Variants in ITGAE observed in about 807,000 individuals in gnomAD.
ITGAE encodes the protein integrin subunit alpha E.
Under a neutral mutation model 136.5 loss-of-function variants are expected in ITGAE, and 99 were observed. The ratio of observed to expected loss-of-function variants is 0.73; its 90% CI spans 0.62 to 0.86. The LOEUF is 0.86. Among genes scored for constraint, ITGAE ranks in the 40% least tolerant of loss-of-function variants. The pLI is 0.00. For missense variants in ITGAE, 1,447 were observed against 1,515.3 expected (o/e 0.95, Z 0.75); for synonymous variants, 613 against 591.8 (o/e 1.04, Z -0.52).
At chr17:3,747,853 T>C (rs2143017545) in intron 17 of ITGAE, 69 bp downstream of exon 17, 2 of 413,118 alleles carry the variant, frequency 4.8e-6, no homozygotes, top group South Asian at 2.4e-5. Flanking sequence ...CCTCTTTCCC[T>C]GCCCCTTACA....
At chr17:3,736,000 C>T (rs1269979802) in intron 20 of ITGAE, among the ~76,000 whole-genome samples, 1 of 151,992 alleles carries the variant, frequency 6.6e-6, no homozygotes, top group Non-Finnish European at 1.5e-5. Flanking sequence ...AAAAAGTAGC[C>T]GGGTGTGGTG....
chr17:3,780,872 T>C (rs956581385), intron 1 of ITGAE, among the ~76,000 whole-genome samples: 4 of 152,062 alleles, frequency 2.6e-5, no homozygotes, highest in Non-Finnish European at 5.9e-5. Context: ...GGCTAATTTT[T>C]AAAAAATTTT....
Position 3,799,891 on chromosome 17 carries a change from G to A in ITGAE, c.34+1220C>T, listed in dbSNP as rs1398528924. 1.3e-5 allele frequency among the ~76,000 whole-genome samples: 2 copies of A among 152,190 alleles called. No individual in the cohort carries two copies. Among genetic ancestry groups the A allele is most frequent in the Non-Finnish European group, 2.9e-5 (2 of 68,034 alleles). On this transcript the variant is annotated intron_variant, in intron 1 of 30. Coordinates refer to ENST00000263087, the MANE Select transcript of ITGAE (RefSeq NM_002208.5). This position sits in a 1 kb window ranked among gnomAD's most constrained non-coding sequence, Gnocchi z 4.1. ...TGTAGTCCCAACACTTTGGGAGGCC[G>A]AGGCAGGTCGATCACCTGAGGGCAG... is the stretch of plus-strand genomic sequence containing the variant.
chr17:3,764,982 T>A (rs1191811151), intron 2 of ITGAE, among the ~76,000 whole-genome samples: 1 of 152,028 alleles, frequency 6.6e-6, no homozygotes, highest in African/African-American at 2.4e-5. Context: ...AAGTCCAAGG[T>A]CTTTCTGCAG....
intron 1 of ITGAE, among the ~76,000 whole-genome samples, chr17:3,779,049 T>A (rs1378092487): frequency 2.1e-5 from 3 of 144,756 alleles, no homozygotes; most frequent in Admixed American, 7.2e-5. Flanking sequence ...AAAACTAACC[T>A]ATAGTAAAAA....
Position 3,745,901 on chromosome 17 carries a change from T to C in ITGAE, c.2182A>G (p.Thr728Ala). The C allele has an allele frequency of 3.1e-6, 5 of 1,613,732 alleles. No homozygotes were observed. The highest frequency in any genetic ancestry group is 4.2e-6 in the Non-Finnish European group (5 of 1,179,946). ...TGCTTCCCCACATCCACATCCAGCG[T>C]GAAGTTGAGAAGTGCCTCGCGGAGG... is the stretch of plus-strand genomic sequence containing the variant. ...SGLREALLNF[T>A]LDVDVGKQRR... Residue 728 changes from threonine (T) to alanine (A), a missense_variant, in exon 18 of 31, where the codon ACG becomes GCG. Transcript: ENST00000263087.
chr17:3,723,246 G>T lies in ITGAE; in HGVS notation c.3237+42C>A, dbSNP rs372748244. On this transcript the variant is annotated intron_variant, in intron 28 of 30. Coordinates refer to ENST00000263087, the MANE Select transcript of ITGAE (RefSeq NM_002208.5). The stretch of plus-strand genomic sequence containing the variant: ...TCTCTTCTAGGGGCGATGCCCGTGA[G>T]CAACTGGATAATCAAATCTGGAGCA... The T allele has an allele frequency of 1.4e-5, 18 of 1,286,082 alleles. No homozygotes were observed. The African/African-American group carries it at 2.5e-4, about 18-fold the overall frequency. 79.7% of individuals were successfully genotyped at this position (1,286,082 alleles called of 1,614,324 possible).
At chr17:3,729,418 C>CCCAA in intron 24 of ITGAE, 60 bp downstream of exon 24, 1 of 1,051,856 alleles carries the variant, frequency 9.5e-7, no homozygotes, top group Non-Finnish European at 1.5e-6. Flanking sequence ...CGAGAGAGAG[C>CCCAA]CCAAAGCTGC....
chr17:3,760,865 G>C, intron 6 of ITGAE, 148 bp downstream of exon 6: 1 of 1,197,406 alleles, frequency 8.4e-7, no homozygotes, highest in South Asian at 1.7e-5. Context: ...TTATAAGAAA[G>C]AGTGGGTGGA....
chr17:3,725,904 T>G lies in ITGAE; in HGVS notation c.3084+2015A>C, dbSNP rs141901258. The G allele has an allele frequency of 8.1e-6, 13 of 1,612,928 alleles. No individual in the cohort carries two copies. Among genetic ancestry groups the G allele is most frequent in the Non-Finnish European group, 1.1e-5 (13 of 1,179,942 alleles). On this transcript the variant is annotated intron_variant, in intron 26 of 30. Coordinates refer to ENST00000263087, the MANE Select transcript of ITGAE (RefSeq NM_002208.5). The stretch of plus-strand genomic sequence containing the variant: ...AGACTTACACTGGGGGAACGTGCTC[T>G]TAAAGAAAACCAGCCTCAAAAAACT...
At chr17:3,765,348 C>CGGAAAA (rs2052273263) in intron 2 of ITGAE, among the ~76,000 whole-genome samples, 1 of 63,756 alleles carries the variant, frequency 1.6e-5, no homozygotes, top group African/African-American at 6.8e-5. Flanking sequence ...GACTCTGTCT[C>CGGAAAA]AAAAAAAAAA....
At chr17:3,734,285 G>A (rs994851678) in intron 21 of ITGAE, among the ~76,000 whole-genome samples, 1 of 152,198 alleles carries the variant, frequency 6.6e-6, no homozygotes, top group Non-Finnish European at 1.5e-5. Flanking sequence ...GTGTTAGCCA[G>A]GATGGTCTCG....
Position 3,720,530 on chromosome 17 carries a change from A to G in ITGAE, c.3238-128T>C. 6.9e-6 allele frequency: 4 copies of G among 576,792 alleles called. No homozygotes were observed. In the South Asian group the frequency reaches 8.4e-5, roughly 12 times the overall value. The allele number at this position is 576,792 out of a possible 1,614,324, so 35.7% of individuals were successfully genotyped here. ...GGCTTAGTTAATGGCCCTAACGTAC[A>G]CAACACTACATAAAGTTACCCAAAC... On this transcript the variant is annotated intron_variant, in intron 28 of 30. Transcript: ENST00000263087.
At position 3,757,964 on chromosome 17, in the gene ITGAE, A is replaced by C. The variant is rs1212494835; in HGVS notation, c.867-105T>G. 1.6e-5 allele frequency: 21 copies of C among 1,340,892 alleles called. 1 individual carries two copies. The Admixed American group carries it at 4.2e-4, about 27-fold the overall frequency. The allele number at this position is 1,340,892 out of a possible 1,614,324, so 83.1% of individuals were successfully genotyped here. A position where few individuals can be genotyped will look rare whatever the true frequency, so the allele number is the denominator to read the frequency against. On this transcript the variant is annotated intron_variant, in intron 8 of 30. Transcript: ENST00000263087. ...CTGTATTAGAATTGGGAGGGTTCAC[A>C]ATCCTCCCGAAAGACCCAGAGAAGG... is the stretch of plus-strand genomic sequence containing the variant.
At chr17:3,786,630 GCCTGTAATC>G (rs1344103395) in intron 1 of ITGAE, among the ~76,000 whole-genome samples, 1 of 152,060 alleles carries the variant, frequency 6.6e-6, no homozygotes, top group East Asian at 1.9e-4. Context: ...AGTGGCTCAT[GCCTGTAATC>G]CCAGCACTTT....
At chr17:3,795,394 G>T (rs2143511094) in intron 1 of ITGAE, among the ~76,000 whole-genome samples, 1 of 152,312 alleles carries the variant, frequency 6.6e-6, no homozygotes, top group South Asian at 2.1e-4. Flanking sequence ...CCACCCCTGT[G>T]TTCACTTTGT....
intron 2 of ITGAE, among the ~76,000 whole-genome samples, chr17:3,776,202 C>T (rs1448393197): frequency 2.0e-5 from 3 of 151,932 alleles, no homozygotes; most frequent in African/African-American, 2.4e-5. Context: ...GGACTACGCG[C>T]GTGTACCACC....
At chr17:3,789,477 C>T (rs1462240012) in intron 1 of ITGAE, among the ~76,000 whole-genome samples, 8 of 118,522 alleles carry the variant, frequency 6.7e-5, no homozygotes, top group Non-Finnish European at 1.2e-4. Context: ...TCCCTCCCTT[C>T]CCTCTCTCTC....
chr17:3,723,838 G>A (rs2051123661), intron 26 of ITGAE, 94 bp from the exon 27 acceptor site: 3 of 1,539,936 alleles, frequency 1.9e-6, no homozygotes, highest in Admixed American at 2.0e-5. Flanking sequence ...GTGCGCATGC[G>A]CAGGGCCGGG....
Sources: allele counts gnomAD v4.1 joint callset (sites outside exome capture counted in the v4.1 genomes callset), GRCh38; gene constraint gnomAD v4.1.1; non-coding constraint Gnocchi (gnomAD v3.1); transcripts MANE v1.5; gene names NCBI Gene and HGNC (gene_info 2026-07-23, HGNC 2026-07-21).